The following BNC2 variants were observed in gnomAD, a reference collection of about 807,000 sequenced individuals.
BNC2 encodes zinc finger protein basonuclin-2.
In BNC2, 20 loss-of-function variants were observed where a neutral mutation model predicts 76.3. The ratio of observed to expected loss-of-function variants is 0.26; its 90% CI spans 0.18 to 0.38. The LOEUF (loss-of-function observed/expected upper bound fraction) is 0.38. Among genes scored for constraint, BNC2 ranks in the 10% least tolerant of loss-of-function variants. The pLI is 1.00. For missense variants in BNC2, 1,382 were observed against 1,399.8 expected (o/e 0.99, Z 0.20); for synonymous variants, 582 against 514.8 (o/e 1.13, Z -1.77).
chr9:16,592,523 G>T (rs1563853999), intron 3 of BNC2, among the ~76,000 whole-genome samples: 1 of 152,148 alleles, frequency 6.6e-6, no homozygotes, highest in African/African-American at 2.4e-5. Context: ...TGGCTGCCTT[G>T]TGGGGGATGA....
intron 5 of BNC2, among the ~76,000 whole-genome samples, chr9:16,522,326 G>T (rs780542578): frequency 6.6e-6 from 1 of 152,122 alleles, no homozygotes; most frequent in Admixed American, 6.5e-5. Context: ...TGGCTGCCAC[G>T]GCCTCTTCCT....
At chr9:16,855,613 C>T (rs1382835140) in intron 1 of BNC2, among the ~76,000 whole-genome samples, 2 of 152,202 alleles carry the variant, frequency 1.3e-5, no homozygotes, top group Admixed American at 6.5e-5. Flanking sequence ...TCTCGGCTCA[C>T]TGCAACCTCC....
At chr9:16,596,671 G>A (rs946920480) in intron 3 of BNC2, among the ~76,000 whole-genome samples, 1 of 152,094 alleles carries the variant, frequency 6.6e-6, no homozygotes, top group Non-Finnish European at 1.5e-5. Context: ...GAGGAGAGTT[G>A]ATTCCCTGGC....
chr9:16,432,940 G>T (rs962506024), intron 6 of BNC2, among the ~76,000 whole-genome samples: 8 of 152,188 alleles, frequency 5.3e-5, no homozygotes, highest in Admixed American at 2.6e-4. Context: ...AGACAGATCA[G>T]AGATGTAATC....
chr9:16,864,986 T>TGCTATAC (rs1452717391), intron 1 of BNC2, among the ~76,000 whole-genome samples: 1 of 150,100 alleles, frequency 6.7e-6, no homozygotes, highest in Non-Finnish European at 1.5e-5. Context: ...TAAAACAGCT[T>TGCTATAC]GCTATACACA....
At chr9:16,659,263 T>G (rs974562940) in intron 3 of BNC2, among the ~76,000 whole-genome samples, 12 of 152,202 alleles carry the variant, frequency 7.9e-5, no homozygotes, top group Non-Finnish European at 1.8e-4. Context: ...CGTTTCATCG[T>G]GCCCTTCTGC....
At chr9:16,830,029 T>C (rs1484873645) in intron 1 of BNC2, among the ~76,000 whole-genome samples, 2 of 152,220 alleles carry the variant, frequency 1.3e-5, no homozygotes, top group African/African-American at 2.4e-5. Context: ...ATTCACTACA[T>C]TTCTGCTATA....
chr9:16,783,398 AT>A (rs1826204237), intron 1 of BNC2, among the ~76,000 whole-genome samples: 1 of 152,168 alleles, frequency 6.6e-6, no homozygotes, highest in South Asian at 2.1e-4. Flanking sequence ...CAGGACAAAA[AT>A]GTTACTCTAC....
At chr9:16,713,291 A>G (rs1823901995) in intron 3 of BNC2, among the ~76,000 whole-genome samples, 1 of 152,152 alleles carries the variant, frequency 6.6e-6, no homozygotes, top group Non-Finnish European at 1.5e-5. Flanking sequence ...ATTGTGACCA[A>G]TACTACTTTT....
At chr9:16,659,925 T>G (rs1822059193) in intron 3 of BNC2, among the ~76,000 whole-genome samples, 2 of 152,236 alleles carry the variant, frequency 1.3e-5, no homozygotes, top group South Asian at 2.1e-4. Context: ...GGGAAAGGAC[T>G]TTGTTACACT....
At chr9:16,516,486 T>C (rs1335526418) in intron 5 of BNC2, among the ~76,000 whole-genome samples, 1 of 152,166 alleles carries the variant, frequency 6.6e-6, no homozygotes, top group Non-Finnish European at 1.5e-5. Context: ...TAAATATCAC[T>C]TATGTATCAT....
chr9:16,481,528 C>G (rs1424806780), intron 5 of BNC2, among the ~76,000 whole-genome samples: 1 of 152,096 alleles, frequency 6.6e-6, no homozygotes, highest in Non-Finnish European at 1.5e-5. Flanking sequence ...ACTCCAGACA[C>G]GCCACCTTAA....
intron 4 of BNC2, chr9:16,575,302 A>G: frequency 1.0e-6 from 1 of 985,414 alleles, no homozygotes; most frequent in Non-Finnish European, 1.2e-6. Context: ...TGTGTGTTTC[A>G]TTCTCAACAC....
At chr9:16,763,387 T>A (rs1172126934) in intron 1 of BNC2, among the ~76,000 whole-genome samples, 1 of 150,904 alleles carries the variant, frequency 6.6e-6, no homozygotes. Flanking sequence ...CTGGGAAACA[T>A]GACAAAACCC....
At chr9:16,673,043 G>T (rs939511496) in intron 3 of BNC2, among the ~76,000 whole-genome samples, 10 of 152,024 alleles carry the variant, frequency 6.6e-5, no homozygotes, top group Non-Finnish European at 8.8e-5. Context: ...TTTTGGGGGG[G>T]TTTTTTATTT....
intron 3 of BNC2, among the ~76,000 whole-genome samples, chr9:16,592,524 T>TG (rs1819958551): frequency 6.6e-6 from 1 of 152,268 alleles, no homozygotes; most frequent in Admixed American, 6.5e-5. Context: ...GGCTGCCTTG[T>TG]GGGGGATGAG....
intron 1 of BNC2, among the ~76,000 whole-genome samples, chr9:16,849,614 C>T (rs1819078319): frequency 6.6e-6 from 1 of 152,116 alleles, no homozygotes; most frequent in Non-Finnish European, 1.5e-5. Context: ...TCGCCTCTGC[C>T]TCCCAAAGTG....
chr9:16,684,253 G>C (rs1822911016), intron 3 of BNC2, among the ~76,000 whole-genome samples: 4 of 152,124 alleles, frequency 2.6e-5, no homozygotes, highest in Admixed American at 6.5e-5. Flanking sequence ...TCAAGGATCA[G>C]ACTACTCTCC....
At chr9:16,718,209 G>A (rs1033930017) in intron 3 of BNC2, among the ~76,000 whole-genome samples, 1 of 152,178 alleles carries the variant, frequency 6.6e-6, no homozygotes, top group Non-Finnish European at 1.5e-5. Context: ...GGTTCATTAA[G>A]TGCACAAGGC....
Sources: allele counts gnomAD v4.1 joint callset (sites outside exome capture counted in the v4.1 genomes callset), GRCh38; gene constraint gnomAD v4.1.1; transcripts MANE v1.5; gene names NCBI Gene and HGNC (gene_info 2026-07-23, HGNC 2026-07-21).